STXBP5L: variants seen among roughly 807,000 people sequenced by gnomAD.
STXBP5L encodes syntaxin binding protein 5L.
A neutral mutation model predicts 144.5 loss-of-function variants in STXBP5L; 65 were observed. The ratio of observed to expected loss-of-function variants is 0.45; its 90% confidence interval spans 0.37 to 0.55. The LOEUF (loss-of-function observed/expected upper bound fraction) is 0.55, where lower values mean the gene tolerates loss of function less well. Ranked by LOEUF, STXBP5L falls within the 20% of genes least tolerant of loss-of-function variation. The pLI is 0.00. For synonymous variants in STXBP5L, 505 were observed against 469.6 expected (o/e 1.08, Z -0.97); for missense variants, 1,298 against 1,405.5 (o/e 0.92, Z 1.22).
intron 3 of STXBP5L, among the ~76,000 whole-genome samples, chr3:120,993,839 A>G (rs1943125120): frequency 6.6e-6 from 1 of 151,674 alleles, no homozygotes; most frequent in Non-Finnish European, 1.5e-5. Flanking sequence ...TGAGAATATC[A>G]TTGATTTTTT....
At chr3:121,204,219 A>G (rs921649586) in intron 9 of STXBP5L, among the ~76,000 whole-genome samples, 2 of 152,106 alleles carry the variant, frequency 1.3e-5, no homozygotes, top group African/African-American at 4.8e-5. Context: ...AGCCTGGGTG[A>G]CAGAGCGAGA....
intron 20 of STXBP5L, among the ~76,000 whole-genome samples, chr3:121,347,844 A>G (rs1392708326): frequency 6.6e-6 from 1 of 152,210 alleles, no homozygotes; most frequent in African/African-American, 2.4e-5. Flanking sequence ...TTATCAGCTT[A>G]AGGAGATTTT....
intron 2 of STXBP5L, among the ~76,000 whole-genome samples, chr3:120,925,709 CTT>C (rs1285556684): frequency 2.0e-5 from 3 of 152,138 alleles, no homozygotes; most frequent in African/African-American, 7.2e-5. Flanking sequence ...TTTTGTAACT[CTT>C]TTCTTCATTT....
At chr3:121,337,145 T>C (rs1434392981) in intron 20 of STXBP5L, among the ~76,000 whole-genome samples, 21 of 152,056 alleles carry the variant, frequency 1.4e-4, no homozygotes, top group Admixed American at 1.4e-3. Flanking sequence ...AACTATTTAG[T>C]ACCAGGCTTA....
chr3:121,347,887 G>A (rs1202393663), intron 20 of STXBP5L, among the ~76,000 whole-genome samples: 48 of 152,126 alleles, frequency 3.2e-4, no homozygotes, highest in African/African-American at 1.1e-3. Context: ...TAGATATACA[G>A]TCATGTCATC....
At chr3:121,294,106 A>G (rs916163703) in intron 19 of STXBP5L, among the ~76,000 whole-genome samples, 2 of 152,224 alleles carry the variant, frequency 1.3e-5, no homozygotes, top group Non-Finnish European at 2.9e-5. Context: ...AAATATCCAC[A>G]CTGCTGTGTG....
intron 3 of STXBP5L, among the ~76,000 whole-genome samples, chr3:121,001,943 T>G (rs1943814750): frequency 1.3e-5 from 2 of 152,242 alleles, no homozygotes; most frequent in South Asian, 4.1e-4. Context: ...CCACATTTTT[T>G]TATCCATTCA....
chr3:121,306,747 G>A (rs1035161382), intron 19 of STXBP5L, among the ~76,000 whole-genome samples: 1 of 152,142 alleles, frequency 6.6e-6, no homozygotes, highest in African/African-American at 2.4e-5. Flanking sequence ...CAATGAACGA[G>A]ACTGCTAAGA....
intron 23 of STXBP5L, among the ~76,000 whole-genome samples, chr3:121,408,979 G>A (rs1413591249): frequency 1.3e-5 from 2 of 151,830 alleles, no homozygotes; most frequent in Non-Finnish European, 1.5e-5. Flanking sequence ...AGCCAATAAA[G>A]AGAAATTTAA....
intron 18 of STXBP5L, among the ~76,000 whole-genome samples, chr3:121,259,409 A>C (rs1189600467): frequency 6.6e-6 from 1 of 151,956 alleles, no homozygotes; most frequent in Non-Finnish European, 1.5e-5. Flanking sequence ...ATTTTATTAC[A>C]CTTAAACTGT....
At chr3:121,150,622 C>G (rs1049003397) in intron 7 of STXBP5L, among the ~76,000 whole-genome samples, 1 of 151,988 alleles carries the variant, frequency 6.6e-6, no homozygotes, top group Non-Finnish European at 1.5e-5. Context: ...CAGATATTTA[C>G]TTTAATAAAA....
intron 7 of STXBP5L, among the ~76,000 whole-genome samples, chr3:121,134,727 A>G (rs1203918836): frequency 7.2e-5 from 11 of 152,288 alleles, no homozygotes; most frequent in Non-Finnish European, 5.9e-5. Flanking sequence ...CCTGCAAAGG[A>G]CATGAACTCA....
chr3:121,018,559 C>G (rs1369409474), intron 3 of STXBP5L, among the ~76,000 whole-genome samples: 1 of 148,418 alleles, frequency 6.7e-6, no homozygotes, highest in Admixed American at 6.7e-5. Flanking sequence ...AGACACAGTC[C>G]TTACATCTTT....
At chr3:120,984,414 G>A (rs1012199036) in intron 3 of STXBP5L, among the ~76,000 whole-genome samples, 1 of 151,938 alleles carries the variant, frequency 6.6e-6, no homozygotes, top group Non-Finnish European at 1.5e-5. Flanking sequence ...GTGATGCCAG[G>A]GCATCTACTA....
chr3:121,020,511 A>G (rs950303543), intron 3 of STXBP5L, among the ~76,000 whole-genome samples: 2 of 152,216 alleles, frequency 1.3e-5, no homozygotes, highest in African/African-American at 4.8e-5. Flanking sequence ...GCTGTGAGGC[A>G]AAAGCATCAA....
intron 5 of STXBP5L, among the ~76,000 whole-genome samples, chr3:121,079,945 G>C (rs2042181423): frequency 6.6e-6 from 1 of 152,124 alleles, no homozygotes; most frequent in Non-Finnish European, 1.5e-5. Flanking sequence ...CTATTATTGT[G>C]TTGCTGTCTA....
chr3:121,229,893 A>G (rs1368150118), intron 11 of STXBP5L, among the ~76,000 whole-genome samples: 3 of 152,136 alleles, frequency 2.0e-5, no homozygotes, highest in Non-Finnish European at 2.9e-5. Context: ...GTGTTTCCCT[A>G]TAACATATTT....
intron 20 of STXBP5L, among the ~76,000 whole-genome samples, chr3:121,356,471 C>T (rs543761446): frequency 3.9e-5 from 6 of 152,364 alleles, no homozygotes; most frequent in East Asian, 3.9e-4. Flanking sequence ...GTGAGCAAGG[C>T]TCTGTGGGCA....
intron 9 of STXBP5L, among the ~76,000 whole-genome samples, chr3:121,174,895 A>G (rs2046873084): frequency 1.3e-5 from 2 of 152,248 alleles, no homozygotes; most frequent in African/African-American, 2.4e-5. Context: ...AAAACTGTCA[A>G]TTTAGGGCAC....
Sources: allele counts gnomAD v4.1 joint callset (sites outside exome capture counted in the v4.1 genomes callset), GRCh38; gene constraint gnomAD v4.1.1; transcripts MANE v1.5; gene names NCBI Gene and HGNC (gene_info 2026-07-23, HGNC 2026-07-21).